The following CTNNA3 variants were observed in gnomAD, a reference collection of about 807,000 sequenced individuals.
CTNNA3 encodes the protein catenin alpha-3.
A neutral mutation model predicts 95.7 loss-of-function variants in CTNNA3; 76 were observed. That is an observed-to-expected ratio of 0.79 (90% confidence interval 0.66 to 0.96). The LOEUF (loss-of-function observed/expected upper bound fraction) is 0.96, where lower values mean the gene tolerates loss of function less well. Among genes scored for constraint, CTNNA3 ranks in the 40% least tolerant of loss-of-function variants. CTNNA3 has a pLI of 0.00. For synonymous variants in CTNNA3, 431 were observed against 374.4 expected (o/e 1.15, Z -1.74); for missense variants, 1,191 against 1,089.8 (o/e 1.09, Z -1.31).
At chr10:67,046,958 ATTTAGAAAGAGGGT>A (rs1854791119) in intron 7 of CTNNA3, among the ~76,000 whole-genome samples, 3 of 152,182 alleles carry the variant, frequency 2.0e-5, no homozygotes, top group Non-Finnish European at 4.4e-5. Flanking sequence ...ATAATTACCA[ATTTAGAAAGAGGGT>A]ACAGAGGGTA....
intron 5 of CTNNA3, among the ~76,000 whole-genome samples, chr10:67,342,303 G>A (rs1484716653): frequency 2.0e-5 from 3 of 151,732 alleles, no homozygotes; most frequent in Non-Finnish European, 2.9e-5. Context: ...GGGTTTCACC[G>A]TGTTAAGCCA....
intron 5 of CTNNA3, among the ~76,000 whole-genome samples, chr10:67,488,672 C>CTTTT (rs565227051): frequency 0.036 from 4,736 of 130,702 alleles, 274 homozygotes; most frequent in East Asian, 0.12. Context: ...TGCCCGGCCT[C>CTTTT]TTTTTTTTTT....
intron 5 of CTNNA3, among the ~76,000 whole-genome samples, chr10:67,345,899 T>A (rs1168249124): frequency 6.6e-6 from 1 of 152,130 alleles, no homozygotes; most frequent in African/African-American, 2.4e-5. Context: ...TGTGGTCTTC[T>A]CTTCCTTCTT....
chr10:66,417,106 T>A (rs569146587), intron 11 of CTNNA3, among the ~76,000 whole-genome samples: 1 of 152,126 alleles, frequency 6.6e-6, no homozygotes, highest in East Asian at 1.9e-4. Flanking sequence ...ATGAATGGAT[T>A]TTAAAAAAAT....
At chr10:67,232,579 A>G (rs1242145445) in intron 5 of CTNNA3, among the ~76,000 whole-genome samples, 1 of 152,178 alleles carries the variant, frequency 6.6e-6, no homozygotes, top group Non-Finnish European at 1.5e-5. Context: ...AAGACCATCG[A>G]GACTAGGAAA....
At chr10:66,309,305 C>G (rs2091973458) in intron 12 of CTNNA3, among the ~76,000 whole-genome samples, 1 of 151,980 alleles carries the variant, frequency 6.6e-6, no homozygotes, top group Admixed American at 6.6e-5. Flanking sequence ...CATTATGTGC[C>G]ATCATAACAG....
chr10:66,438,553 C>G (rs12781320), intron 11 of CTNNA3, among the ~76,000 whole-genome samples: 30,870 of 152,050 alleles, frequency 0.2, 3,480 homozygotes, highest in South Asian at 0.3. Context: ...CTCACCCACA[C>G]CAAGCTGGAG....
At chr10:67,067,148 A>G (rs1289958329) in intron 7 of CTNNA3, among the ~76,000 whole-genome samples, 1 of 152,220 alleles carries the variant, frequency 6.6e-6, no homozygotes, top group African/African-American at 2.4e-5. Flanking sequence ...AAAACCACAT[A>G]TGACATAAGC....
At chr10:67,390,164 T>A (rs936195724) in intron 5 of CTNNA3, among the ~76,000 whole-genome samples, 89 of 152,000 alleles carry the variant, frequency 5.9e-4, no homozygotes, top group African/African-American at 1.9e-3. Context: ...ACCACTAGCA[T>A]GACTAATAAA....
intron 1 of CTNNA3, among the ~76,000 whole-genome samples, chr10:67,661,984 T>C (rs1840203777): frequency 6.6e-6 from 1 of 152,202 alleles, no homozygotes; most frequent in Non-Finnish European, 1.5e-5. Flanking sequence ...AAGTGTCTTA[T>C]AAAGTTAAAC....
At chr10:66,183,358 A>G (rs1172302138) in intron 13 of CTNNA3, among the ~76,000 whole-genome samples, 4 of 152,294 alleles carry the variant, frequency 2.6e-5, no homozygotes, top group Non-Finnish European at 5.9e-5. Context: ...CATTTCTCTT[A>G]CCTCAATCAA....
chr10:66,452,311 T>A (rs2093469809), intron 11 of CTNNA3, among the ~76,000 whole-genome samples: 1 of 152,196 alleles, frequency 6.6e-6, no homozygotes, highest in Non-Finnish European at 1.5e-5. Context: ...CTAGTAATGA[T>A]AATAAATCTG....
At chr10:67,068,503 G>A (rs1300017253) in intron 7 of CTNNA3, among the ~76,000 whole-genome samples, 1 of 152,186 alleles carries the variant, frequency 6.6e-6, no homozygotes, top group Non-Finnish European at 1.5e-5. Context: ...GGTGAATAGT[G>A]AGTGAGGTCT....
intron 14 of CTNNA3, among the ~76,000 whole-genome samples, chr10:66,074,347 A>G (rs1395096098): frequency 6.6e-6 from 1 of 151,846 alleles, no homozygotes; most frequent in African/African-American, 2.4e-5. Flanking sequence ...AGGTGCACAT[A>G]TGGGTGTATT....
At chr10:67,024,852 G>A (rs746255121) in intron 7 of CTNNA3, among the ~76,000 whole-genome samples, 7 of 152,052 alleles carry the variant, frequency 4.6e-5, no homozygotes, top group East Asian at 3.9e-4. Flanking sequence ...ACAAGAGGCC[G>A]GGTGGGGTGA....
intron 1 of CTNNA3, among the ~76,000 whole-genome samples, chr10:67,731,938 T>C (rs1841277264): frequency 6.6e-6 from 1 of 151,850 alleles, no homozygotes; most frequent in African/African-American, 2.4e-5. Flanking sequence ...TTTTTTTTGT[T>C]TTTGTTTTTG....
intron 17 of CTNNA3, among the ~76,000 whole-genome samples, chr10:65,955,199 G>GTTT (rs2077703434): frequency 6.6e-6 from 1 of 152,064 alleles, no homozygotes; most frequent in Admixed American, 6.6e-5. Flanking sequence ...GTCTGTTATT[G>GTTT]GCGTATAGGA....
intron 7 of CTNNA3, among the ~76,000 whole-genome samples, chr10:66,843,520 G>C (rs80305183): frequency 0.037 from 5,605 of 152,252 alleles, 187 homozygotes; most frequent in African/African-American, 0.089. Flanking sequence ...TCTTTGATGG[G>C]AAAGAGCAGA....
At chr10:66,845,312 A>G (rs960014726) in intron 7 of CTNNA3, among the ~76,000 whole-genome samples, 1 of 152,220 alleles carries the variant, frequency 6.6e-6, no homozygotes, top group Non-Finnish European at 1.5e-5. Flanking sequence ...TGCACAGCAG[A>G]TATCACCTCA....
Sources: allele counts gnomAD v4.1 joint callset (sites outside exome capture counted in the v4.1 genomes callset), GRCh38; gene constraint gnomAD v4.1.1; transcripts MANE v1.5; gene names NCBI Gene and HGNC (gene_info 2026-07-23, HGNC 2026-07-21).